NPSR1: variants seen among roughly 807,000 people sequenced by gnomAD.
The protein encoded by NPSR1 is neuropeptide S receptor.
NPSR1 carries 48 observed loss-of-function variants against 46.9 expected under a neutral mutation model. The ratio of observed to expected loss-of-function variants is 1.02; its 90% CI spans 0.81 to 1.30. The LOEUF (loss-of-function observed/expected upper bound fraction) is 1.30, where lower values mean the gene tolerates loss of function less well. Ranked by LOEUF, NPSR1 falls within the 50% of genes most tolerant of loss-of-function variation. NPSR1 has a pLI of 0.00. For synonymous variants in NPSR1, 176 were observed against 168.1 expected (o/e 1.05, Z -0.36); for missense variants, 450 against 449.5 (o/e 1.00, Z -0.01).
chr7:34,852,287 G>A (rs765039999), downstream of NPSR1, among the ~76,000 whole-genome samples: 2 of 152,064 alleles, frequency 1.3e-5, no homozygotes, highest in East Asian at 1.9e-4. Flanking sequence ...GCGAGAGAGC[G>A]AGAATCCGTC....
At chr7:34,799,136 T>A (rs1788345328) in intron 3 of NPSR1, among the ~76,000 whole-genome samples, 1 of 152,068 alleles carries the variant, frequency 6.6e-6, no homozygotes, top group South Asian at 2.1e-4. Flanking sequence ...GAAGTAGAAT[T>A]TAAATTTTCT....
At chr7:34,679,115 G>A (rs954500383) in intron 1 of NPSR1, among the ~76,000 whole-genome samples, 2 of 145,138 alleles carry the variant, frequency 1.4e-5, no homozygotes, top group East Asian at 2.0e-4. Context: ...GTTAACATGC[G>A]ATAAAAGAGA....
At chr7:34,806,185 A>C (rs1167086247) in intron 3 of NPSR1, among the ~76,000 whole-genome samples, 1 of 152,116 alleles carries the variant, frequency 6.6e-6, no homozygotes, top group East Asian at 1.9e-4. Context: ...CTATGTATTT[A>C]CTCAGTTGAG....
chr7:34,856,382 G>A (rs1562775132), intron 8 of NPSR1, among the ~76,000 whole-genome samples: 1 of 151,554 alleles, frequency 6.6e-6, no homozygotes, highest in Non-Finnish European at 1.5e-5. Context: ...AGCAATGAAG[G>A]GAAAGCTTCC....
intron 8 of NPSR1, among the ~76,000 whole-genome samples, chr7:34,865,375 C>T (rs565506269): frequency 6.6e-6 from 1 of 151,676 alleles, no homozygotes; most frequent in Non-Finnish European, 1.5e-5. Context: ...GCGGAAGAAA[C>T]TTCTGACCCT....
chr7:34,691,414 T>C (rs866834144), intron 2 of NPSR1, among the ~76,000 whole-genome samples: 2 of 152,110 alleles, frequency 1.3e-5, no homozygotes, highest in African/African-American at 2.4e-5. Context: ...ACTTAAAATA[T>C]AGAGTGGAAA....
chr7:34,844,634 T>G (rs571921439), intron 6 of NPSR1, among the ~76,000 whole-genome samples: 6 of 152,312 alleles, frequency 3.9e-5, no homozygotes, highest in Admixed American at 1.3e-4. Flanking sequence ...CTGCAGCTGT[T>G]CAGGCCATCT....
At chr7:34,792,691 ATATATATACGTATATATATATATT>A (rs1331034754) in intron 3 of NPSR1, among the ~76,000 whole-genome samples, 2 of 95,666 alleles carry the variant, frequency 2.1e-5, no homozygotes, top group East Asian at 2.7e-4. Flanking sequence ...ATATATATGT[ATATATATACGTATATATATATATT>A]TATATATATA....
chr7:34,867,388 C>T (rs1484516594), intron 8 of NPSR1, among the ~76,000 whole-genome samples: 1 of 151,880 alleles, frequency 6.6e-6, no homozygotes, highest in Non-Finnish European at 1.5e-5. Context: ...TGCTGCCTCT[C>T]ATTGCGCCTC....
At chr7:34,788,079 G>C (rs1231693525) in intron 3 of NPSR1, among the ~76,000 whole-genome samples, 1 of 152,080 alleles carries the variant, frequency 6.6e-6, no homozygotes, top group Non-Finnish European at 1.5e-5. Context: ...TATATTTGTA[G>C]TGTGTTAAGG....
chr7:34,855,826 GGT>G (rs1158050556), intron 8 of NPSR1, among the ~76,000 whole-genome samples: 1 of 152,010 alleles, frequency 6.6e-6, no homozygotes, highest in Non-Finnish European at 1.5e-5. Flanking sequence ...TGACAAAACT[GGT>G]TTCATTCCAG....
intron 3 of NPSR1, among the ~76,000 whole-genome samples, chr7:34,806,244 A>G (rs916992503): frequency 3.3e-5 from 5 of 152,094 alleles, no homozygotes; most frequent in African/African-American, 1.2e-4. Flanking sequence ...TTTATTCATA[A>G]TCACCAAAAA....
intron 2 of NPSR1, among the ~76,000 whole-genome samples, chr7:34,687,908 C>G (rs1213737966): frequency 6.6e-6 from 1 of 152,162 alleles, no homozygotes; most frequent in Non-Finnish European, 1.5e-5. Flanking sequence ...TTATTTGACA[C>G]CACTATCCCC....
At position 34,737,919 on chromosome 7, in the gene NPSR1, A is replaced by G. The variant is rs185951638; in HGVS notation, c.281-40543A>G. 1.1e-3 allele frequency among the ~76,000 whole-genome samples: 170 copies of G among 152,328 alleles called. 5 individuals carry two copies. In the East Asian group the frequency reaches 0.03, roughly 27 times the overall value. ...TTTGAACTCAAGTTTCCTTAGTCCAACACAGACTATGTTTACTGCCTATAT... is the reference window on the plus strand; with the variant it reads ...TTTGAACTCAAGTTTCCTTAGTCCAGCACAGACTATGTTTACTGCCTATAT... On this transcript the variant is annotated intron_variant, in intron 2 of 8. Coordinates refer to ENST00000360581, the MANE Select transcript of NPSR1 (RefSeq NM_207172.2).
At chr7:34,783,607 C>A (rs900609543) in intron 3 of NPSR1, among the ~76,000 whole-genome samples, 1 of 151,964 alleles carries the variant, frequency 6.6e-6, no homozygotes, top group Non-Finnish European at 1.5e-5. Flanking sequence ...GAAATAATAG[C>A]AGAATAGTTT....
In NPSR1 at chr7:34,761,963, G is replaced by GAGTTTTT. The variant is rs1000678745; in HGVS notation, c.281-16498_281-16492dup. Among the ~76,000 whole-genome samples the GAGTTTTT allele has an allele frequency of 3.9e-5, 6 of 152,178 alleles. 1 individual carries two copies. The highest frequency in any genetic ancestry group is 1.4e-4 in the African/African-American group (6 of 41,444). On this transcript the variant is annotated intron_variant, in intron 2 of 8. Transcript: ENST00000360581. ...CTGATGCTTGTGCTTATGAGCACAG[G>GAGTTTTT]AGTTTTTTGTGGCCCAGCAATAACC...
chr7:34,821,407 T>C (rs1275768830), intron 4 of NPSR1, among the ~76,000 whole-genome samples: 1 of 152,160 alleles, frequency 6.6e-6, no homozygotes, highest in Non-Finnish European at 1.5e-5. Flanking sequence ...ATTATAGGCA[T>C]GAGACACTGC....
chr7:34,797,210 G>C (rs1033409400), intron 3 of NPSR1, among the ~76,000 whole-genome samples: 3 of 152,068 alleles, frequency 2.0e-5, no homozygotes, highest in Non-Finnish European at 4.4e-5. Context: ...AGCACAGAGG[G>C]GGAACAAAGG....
chr7:34,684,471 A>T (rs1335061385), intron 1 of NPSR1, 81 bp from the exon 2 acceptor site: 15 of 1,436,962 alleles, frequency 1.0e-5, no homozygotes, highest in Non-Finnish European at 1.2e-5. Context: ...AGGAGGAAGA[A>T]ATCCAGCCTG....
Sources: gnomAD v4.1 joint callset for allele counts (sites outside exome capture counted in the v4.1 genomes callset) on GRCh38, gnomAD v4.1.1 for gene constraint, MANE v1.5 for transcripts, NCBI Gene and HGNC (gene_info 2026-07-23, HGNC 2026-07-21) for gene names.